Variants in RAPGEF4 observed in about 807,000 individuals in gnomAD.
RAPGEF4 encodes the protein Rap guanine nucleotide exchange factor 4, also known as RAP guanine-nucleotide-exchange factor (GEF) 4.
Under a neutral mutation model 147.9 loss-of-function variants are expected in RAPGEF4, and 66 were observed. That is an observed-to-expected ratio of 0.45 (90% CI 0.37 to 0.55). RAPGEF4 has a LOEUF of 0.55. Among genes scored for constraint, RAPGEF4 ranks in the 20% least tolerant of loss-of-function variants. RAPGEF4 has a pLI of 0.00. For synonymous variants in RAPGEF4, 419 were observed against 442.7 expected (o/e 0.95, Z 0.67); for missense variants, 1,071 against 1,257.3 (o/e 0.85, Z 2.24).
At chr2:172,807,610 C>T (rs1205604584) in intron 3 of RAPGEF4, among the ~76,000 whole-genome samples, 2 of 152,102 alleles carry the variant, frequency 1.3e-5, no homozygotes, top group Non-Finnish European at 1.5e-5. Flanking sequence ...AATTCAAGTT[C>T]GTGAAATAAT....
intron 1 of RAPGEF4, among the ~76,000 whole-genome samples, chr2:172,786,256 G>A (rs1458363173): frequency 1.3e-5 from 2 of 152,050 alleles, no homozygotes; most frequent in Non-Finnish European, 2.9e-5. Flanking sequence ...TTCAACTACC[G>A]TGTGTAGTAA....
At chr2:172,842,900 C>G (rs1008815075) in intron 4 of RAPGEF4, among the ~76,000 whole-genome samples, 1 of 152,100 alleles carries the variant, frequency 6.6e-6, no homozygotes, top group Non-Finnish European at 1.5e-5. Flanking sequence ...CCCCACAGGC[C>G]GTGGAATGAT....
chr2:172,764,193 G>T (rs1696613410), intron 1 of RAPGEF4, among the ~76,000 whole-genome samples: 1 of 151,680 alleles, frequency 6.6e-6, no homozygotes, highest in African/African-American at 2.4e-5. Flanking sequence ...GATTGAGGTT[G>T]CATTGAACCA....
chr2:172,933,607 A>G (rs909653499), intron 6 of RAPGEF4, among the ~76,000 whole-genome samples: 1 of 152,234 alleles, frequency 6.6e-6, no homozygotes, highest in African/African-American at 2.4e-5. Flanking sequence ...TGCCCGGGGC[A>G]TGAATGAAAT....
Position 173,048,632 on chromosome 2 carries a change from A to C in RAPGEF4, c.2886A>C (p.Arg962Ser). 6.2e-7 allele frequency: 1 copy of C among 1,614,122 alleles called. No homozygotes were observed. Reference protein sequence around the residue: ...RMIANTARTVRYYRSQPFNPD... With the variant: ...RMIANTARTVSYYRSQPFNPD... The stretch of plus-strand genomic sequence containing the variant: ...TTGCAAATACGGCCAGAACAGTGAG[A>C]TACTACAGGAGCCAACCCTTCAGTA... Residue 962 changes from arginine (R) to serine (S), a missense_variant, in exon 30 of 31, where the codon AGA (arginine) becomes AGC (serine). Coordinates refer to ENST00000397081, the MANE Select transcript of RAPGEF4 (RefSeq NM_007023.4).
chr2:172,987,454 G>T (rs1027303038), intron 12 of RAPGEF4, among the ~76,000 whole-genome samples: 1 of 152,102 alleles, frequency 6.6e-6, no homozygotes, highest in Non-Finnish European at 1.5e-5. Context: ...AATACAGTCA[G>T]TCCTCTACAT....
chr2:173,014,358 C>T lies in RAPGEF4; in HGVS notation c.1659-106C>T, dbSNP rs914400917. ...GGCCTAGGGGAGGAATTCTATCCATCTAAAAGCCTGGCTTTCTGAAGCTGG... is the reference window on the plus strand; with the variant it reads ...GGCCTAGGGGAGGAATTCTATCCATTTAAAAGCCTGGCTTTCTGAAGCTGG... On this transcript the variant is annotated intron_variant, in intron 17 of 30. Coordinates refer to ENST00000397081, the MANE Select transcript of RAPGEF4 (RefSeq NM_007023.4). The T allele has an allele frequency of 1.2e-5, 18 of 1,446,306 alleles. No individual in the cohort carries two copies. In the African/African-American group the frequency reaches 2.3e-4, roughly 18 times the overall value. 89.6% of individuals were successfully genotyped at this position (1,446,306 alleles called of 1,614,324 possible). A position where few individuals can be genotyped will look rare whatever the true frequency, so the allele number is the denominator to read the frequency against.
intron 12 of RAPGEF4, among the ~76,000 whole-genome samples, chr2:172,987,086 G>A (rs1419187175): frequency 6.6e-6 from 1 of 152,170 alleles, no homozygotes. Flanking sequence ...GCCGAGGCAG[G>A]TGGATTCCTT....
intron 1 of RAPGEF4, among the ~76,000 whole-genome samples, chr2:172,782,137 T>A (rs139112702): frequency 0.011 from 1,748 of 152,320 alleles, 19 homozygotes; most frequent in South Asian, 0.038. Context: ...TACAAATAAC[T>A]AATAAATAAC....
At chr2:172,985,322 T>C in intron 11 of RAPGEF4, 111 bp from the exon 12 acceptor site, 1 of 1,460,760 alleles carries the variant, frequency 6.8e-7, no homozygotes, top group South Asian at 1.2e-5. Flanking sequence ...GAGAGATGAC[T>C]GCATGGGAAG....
chr2:172,861,093 C>G (rs1348794399), intron 4 of RAPGEF4, among the ~76,000 whole-genome samples: 2 of 152,092 alleles, frequency 1.3e-5, no homozygotes, highest in African/African-American at 4.8e-5. Context: ...GGGTGGAACT[C>G]TCTGAGATAT....
At chr2:172,760,357 G>T (rs1033857564) in intron 1 of RAPGEF4, among the ~76,000 whole-genome samples, 8 of 152,160 alleles carry the variant, frequency 5.3e-5, no homozygotes, top group Non-Finnish European at 1.2e-4. Flanking sequence ...CCTTAGCAAA[G>T]AAATACAAGA....
At chr2:172,894,922 C>T (rs1698317301) in intron 4 of RAPGEF4, among the ~76,000 whole-genome samples, 1 of 152,032 alleles carries the variant, frequency 6.6e-6, no homozygotes, top group Non-Finnish European at 1.5e-5. Context: ...TGGACTTGAA[C>T]TGTCTTGAAC....
intron 4 of RAPGEF4, among the ~76,000 whole-genome samples, chr2:172,841,134 C>T (rs1691540581): frequency 6.6e-6 from 1 of 152,182 alleles, no homozygotes; most frequent in African/African-American, 2.4e-5. Flanking sequence ...TTTGATCTCA[C>T]TGTTGGAGGT....
chr2:172,763,529 C>T (rs1003691122), intron 1 of RAPGEF4, among the ~76,000 whole-genome samples: 1 of 152,140 alleles, frequency 6.6e-6, no homozygotes, highest in Non-Finnish European at 1.5e-5. Context: ...AAGCAATAAA[C>T]AGGAGTAGGT....
intron 3 of RAPGEF4, among the ~76,000 whole-genome samples, chr2:172,799,537 C>T (rs1333932859): frequency 2.0e-5 from 3 of 152,140 alleles, no homozygotes; most frequent in African/African-American, 7.2e-5. Flanking sequence ...ACTCTCTGGG[C>T]TTTTTTGCTC....
At chr2:173,011,176 A>ACGCG (rs1694990891) in intron 17 of RAPGEF4, among the ~76,000 whole-genome samples, 1 of 132,212 alleles carries the variant, frequency 7.6e-6, no homozygotes, top group South Asian at 2.3e-4. Flanking sequence ...GCGCGCACAC[A>ACGCG]CACACACACA....
intron 6 of RAPGEF4, among the ~76,000 whole-genome samples, chr2:172,940,922 A>C (rs1466978524): frequency 6.6e-6 from 1 of 152,170 alleles, no homozygotes; most frequent in Admixed American, 6.5e-5. Flanking sequence ...AGTTGTCTCT[A>C]TATATGCCCT....
At chr2:172,969,635 G>A (rs1690242626) in intron 10 of RAPGEF4, among the ~76,000 whole-genome samples, 2 of 152,248 alleles carry the variant, frequency 1.3e-5, no homozygotes, top group African/African-American at 4.8e-5. Context: ...AAATGTTTTT[G>A]AAATGGCTCC....
Sources: gnomAD v4.1 joint callset for allele counts (sites outside exome capture counted in the v4.1 genomes callset) on GRCh38, gnomAD v4.1.1 for gene constraint, MANE v1.5 for transcripts, NCBI Gene and HGNC (gene_info 2026-07-23, HGNC 2026-07-21) for gene names.